FAT3: variants seen among roughly 807,000 people sequenced by gnomAD.
FAT3 encodes the protein protocadherin Fat 3.
A neutral mutation model predicts 310.2 loss-of-function variants in FAT3; 95 were observed. The observed-to-expected ratio is 0.31, with a 90% CI of 0.26 to 0.36. FAT3 has a LOEUF of 0.36. Among genes scored for constraint, FAT3 ranks in the 10% least tolerant of loss-of-function variants. FAT3 has a pLI of 1.00. For synonymous variants in FAT3, 2,314 were observed against 2,192.9 expected (o/e 1.06, Z -1.54); for missense variants, 5,408 against 5,715.6 (o/e 0.95, Z 1.74).
chr11:92,772,086 T>G (rs1234979895), intron 6 of FAT3, among the ~76,000 whole-genome samples: 1 of 152,206 alleles, frequency 6.6e-6, no homozygotes, highest in Non-Finnish European at 1.5e-5. Context: ...CTCACACATT[T>G]TCACATTTTA....
chr11:92,611,978 G>A (rs1940582369), intron 3 of FAT3, among the ~76,000 whole-genome samples: 1 of 152,124 alleles, frequency 6.6e-6, no homozygotes, highest in Non-Finnish European at 1.5e-5. Flanking sequence ...GAGAACAGTA[G>A]GACCTACCTA....
chr11:92,649,874 C>T lies in FAT3; in HGVS notation c.3608-47510C>T, dbSNP rs1405835157. Among the ~76,000 whole-genome samples, 29 of 49,642 alleles carry T rather than the reference C, an allele frequency of 5.8e-4. 1 individual carries two copies. Among genetic ancestry groups the T allele is most frequent in the African/African-American group, 1.8e-3 (23 of 12,588 alleles). The allele number at this position is 49,642 out of a possible 152,430, so 32.6% of individuals were successfully genotyped here. A position where few individuals can be genotyped will look rare whatever the true frequency, so the allele number is the denominator to read the frequency against. The stretch of plus-strand genomic sequence containing the variant: ...TTGTTAAACACCCACTTTGTATGTT[C>T]ATATATATATATATATATATATATA... On this transcript the variant is annotated intron_variant, in intron 3 of 27. Coordinates refer to ENST00000525166, the MANE Select transcript of FAT3 (RefSeq NM_001367949.2).
At chr11:92,336,981 CTG>C (rs1948103161) in intron 1 of FAT3, among the ~76,000 whole-genome samples, 1 of 152,166 alleles carries the variant, frequency 6.6e-6, no homozygotes, top group South Asian at 2.1e-4. Context: ...ATCCGCCAGC[CTG>C]TGTGACATAT....
At chr11:92,709,824 AG>A (rs1444156537) in intron 4 of FAT3, among the ~76,000 whole-genome samples, 1 of 152,220 alleles carries the variant, frequency 6.6e-6, no homozygotes, top group Non-Finnish European at 1.5e-5. Flanking sequence ...GTCTGTACTG[AG>A]GTGGCTTGCC....
chr11:92,881,094 C>G, intron 23 of FAT3, among the ~76,000 whole-genome samples: 1 of 152,196 alleles, frequency 6.6e-6, no homozygotes, highest in Non-Finnish European at 1.5e-5. Flanking sequence ...TTCATATTTT[C>G]TACTTTATGT....
chr11:92,823,919 A>G (rs1203319406), intron 13 of FAT3, among the ~76,000 whole-genome samples: 1 of 152,176 alleles, frequency 6.6e-6, no homozygotes, highest in Non-Finnish European at 1.5e-5. Context: ...TTTATTTCAT[A>G]TTATCCACAG....
Position 92,889,223 on chromosome 11 carries a change from T to C in FAT3, c.13086T>C (p.Asn4362=), listed in dbSNP as rs199685351. ...SIVTVIQLVN[N]VVDTIENEVS... is the part of the protein sequence containing the mutation. ...TGACTGTCATTCAGCTTGTCAACAATGTAGTTGACACTATAGAGAATGAAG... is the reference window on the plus strand; with the variant it reads ...TGACTGTCATTCAGCTTGTCAACAACGTAGTTGACACTATAGAGAATGAAG... Residue 4362 remains asparagine, a synonymous_variant, in exon 26 of 28, where the codon AAT becomes AAC. Transcript: ENST00000525166. 491 of 714,492 alleles carry C rather than the reference T, an allele frequency of 6.9e-4. No individual in the cohort carries two copies. The highest frequency in any genetic ancestry group is 1.0e-3 in the Non-Finnish European group (391 of 383,994). 44.3% of individuals were successfully genotyped at this position (714,492 alleles called of 1,614,324 possible). A position where few individuals can be genotyped will look rare whatever the true frequency, so the allele number is the denominator to read the frequency against.
intron 3 of FAT3, among the ~76,000 whole-genome samples, chr11:92,546,877 TGA>T (rs2135425743): frequency 6.6e-6 from 1 of 152,280 alleles, no homozygotes; most frequent in East Asian, 1.9e-4. Context: ...TTGTTTTAAA[TGA>T]GAGAGTTGTG....
intron 3 of FAT3, among the ~76,000 whole-genome samples, chr11:92,635,106 G>C (rs529328042): frequency 2.9e-4 from 44 of 152,318 alleles, no homozygotes; most frequent in East Asian, 1.2e-3. Context: ...CCAGTCTGTG[G>C]TCTTTGGTGA....
intron 2 of FAT3, among the ~76,000 whole-genome samples, chr11:92,503,830 T>C (rs1442929806): frequency 6.6e-6 from 1 of 152,192 alleles, no homozygotes; most frequent in Non-Finnish European, 1.5e-5. Context: ...CTTGTGGTAA[T>C]ACAAAGTTCT....
At chr11:92,392,893 G>A (rs1949780779) in intron 2 of FAT3, among the ~76,000 whole-genome samples, 1 of 152,120 alleles carries the variant, frequency 6.6e-6, no homozygotes, top group Admixed American at 6.5e-5. Context: ...GAATGAATCT[G>A]ATGAAGAGGA....
At chr11:92,862,439 A>G (rs1479033673) in intron 21 of FAT3, among the ~76,000 whole-genome samples, 1 of 152,256 alleles carries the variant, frequency 6.6e-6, no homozygotes, top group Non-Finnish European at 1.5e-5. Flanking sequence ...TTCCATCTCC[A>G]GTATCATGGC....
chr11:92,576,570 G>T (rs558445612), intron 3 of FAT3, among the ~76,000 whole-genome samples: 1 of 152,172 alleles, frequency 6.6e-6, no homozygotes, highest in East Asian at 1.9e-4. Context: ...GTGATAAAAT[G>T]CTAACAATTA....
rs753751987 is a variant in FAT3, at chr11:92,800,238, C to T, written c.7225C>T (p.Arg2409Trp). The stretch of plus-strand genomic sequence containing the variant: ...GTCATATGTGAGTGAATTAGCCCCC[C>T]GGGGCCATTTTGTAACCTGTGTACA... ...YESYVSELAP[R>W]GHFVTCVQAS... Residue 2409 changes from arginine to tryptophan, a missense_variant, in exon 10 of 28, where the codon CGG becomes TGG. Physicochemically the swap from Arg to Trp is moderately radical, Grantham distance 101. Coordinates refer to ENST00000525166, the MANE Select transcript of FAT3 (RefSeq NM_001367949.2). 6.8e-6 allele frequency: 11 copies of T among 1,613,848 alleles called. No individual in the cohort carries two copies. The highest frequency in any genetic ancestry group is 4.4e-5 in the South Asian group (4 of 91,074).
intron 1 of FAT3, among the ~76,000 whole-genome samples, chr11:92,253,866 A>C (rs183043466): frequency 6.6e-6 from 1 of 152,286 alleles, no homozygotes; most frequent in East Asian, 1.9e-4. Context: ...ATTCAGAGTT[A>C]TAGAATATTC....
intron 2 of FAT3, among the ~76,000 whole-genome samples, chr11:92,385,816 A>C (rs1949606576): frequency 6.6e-6 from 1 of 152,112 alleles, no homozygotes. Context: ...GGTTTACTGG[A>C]GGAAAAGTAG....
At chr11:92,280,664 A>G (rs1314322675) in intron 1 of FAT3, among the ~76,000 whole-genome samples, 2 of 152,174 alleles carry the variant, frequency 1.3e-5, no homozygotes, top group East Asian at 3.9e-4. Flanking sequence ...CTCTGTGATC[A>G]GTTAGATCTC....
At chr11:92,535,764 A>G (rs889625590) in intron 3 of FAT3, among the ~76,000 whole-genome samples, 11 of 152,254 alleles carry the variant, frequency 7.2e-5, no homozygotes, top group South Asian at 6.2e-4. Context: ...TTGCATTACT[A>G]TAGTCATTTC....
intron 13 of FAT3, among the ~76,000 whole-genome samples, chr11:92,815,892 A>G (rs772516398): frequency 6.6e-6 from 1 of 152,226 alleles, no homozygotes; most frequent in Non-Finnish European, 1.5e-5. Flanking sequence ...GTTTACAGTC[A>G]TAGGGAGAAA....
Sources: allele counts gnomAD v4.1 joint callset (sites outside exome capture counted in the v4.1 genomes callset), GRCh38; gene constraint gnomAD v4.1.1; transcripts MANE v1.5; gene names NCBI Gene and HGNC (gene_info 2026-07-23, HGNC 2026-07-21).